The following ABCB5 variants were observed in gnomAD, a reference collection of about 807,000 sequenced individuals.
ABCB5 encodes the protein ATP binding cassette subfamily B member 5, also known as ATP-binding cassette sub-family B member 5.
Under a neutral mutation model 144.2 loss-of-function variants are expected in ABCB5, and 155 were observed. The observed-to-expected ratio is 1.08, with a 90% CI of 0.94 to 1.23. The LOEUF is 1.23. ABCB5 is among the 50% of genes most tolerant of loss of function. ABCB5 has a pLI of 0.00. For missense variants in ABCB5, 1,830 were observed against 1,520.8 expected, an observed-to-expected ratio of 1.20 and a Z score of -3.38; for synonymous variants, 610 against 528.6, an observed-to-expected ratio of 1.15 and a Z score of -2.11.
chr7:20,707,136 C>A (rs140602506), intron 20 of ABCB5, among the ~76,000 whole-genome samples: 1,554 of 152,266 alleles, frequency 0.01, 21 homozygotes, highest in African/African-American at 0.035. Flanking sequence ...AAGTCATACT[C>A]ATCTCAATTT....
At chr7:20,655,066 A>AC (rs1784730207) in intron 13 of ABCB5, among the ~76,000 whole-genome samples, 1 of 150,954 alleles carries the variant, frequency 6.6e-6, no homozygotes, top group Non-Finnish European at 1.5e-5. Flanking sequence ...AAAAAGTATA[A>AC]CTGTAGCAAA....
intron 25 of ABCB5, 57 bp downstream of exon 25, chr7:20,743,131 T>C: frequency 6.4e-7 from 1 of 1,563,982 alleles, no homozygotes. Flanking sequence ...TTCTTAAACA[T>C]TCACTAGGGC....
intron 5 of ABCB5, among the ~76,000 whole-genome samples, chr7:20,636,380 T>C (rs1201795794): frequency 6.6e-6 from 1 of 152,114 alleles, no homozygotes; most frequent in Non-Finnish European, 1.5e-5. Flanking sequence ...AAAAGATATG[T>C]CTATGTACAG....
intron 14 of ABCB5, chr7:20,660,481 TC>T (rs1562545933): frequency 2.3e-6 from 2 of 860,098 alleles, no homozygotes; most frequent in Non-Finnish European, 2.8e-6. Context: ...ACTAGATTAA[TC>T]ATATACTCTT....
chr7:20,728,701 C>T (rs1782118255), intron 23 of ABCB5, among the ~76,000 whole-genome samples: 1 of 152,154 alleles, frequency 6.6e-6, no homozygotes, highest in Admixed American at 6.5e-5. Context: ...CTGCAGTGAG[C>T]TGAGATCACG....
intron 13 of ABCB5, among the ~76,000 whole-genome samples, chr7:20,654,390 A>G (rs1348645509): frequency 1.3e-5 from 2 of 152,202 alleles, no homozygotes; most frequent in African/African-American, 4.8e-5. Context: ...GATACATCTG[A>G]AAGGAGAAAG....
At position 20,755,407 on chromosome 7, in the gene ABCB5, C is replaced by G. The variant is rs747325606; in HGVS notation, c.3577-20C>G. The G allele has an allele frequency of 6.2e-7, 1 of 1,611,742 alleles. No homozygotes were observed. The highest frequency in any genetic ancestry group is 2.2e-5 in the East Asian group (1 of 44,828). On this transcript the variant is annotated intron_variant, in intron 27 of 27. Coordinates refer to ENST00000404938, the MANE Select transcript of ABCB5 (RefSeq NM_001163941.2). ...AACATCTAACTCAAACTGGTGATCA[C>G]AGGTCTTTCTCTCTTCCAGGTGGTT...
At chr7:20,726,317 G>T in intron 21 of ABCB5, among the ~76,000 whole-genome samples, 1 of 144,028 alleles carries the variant, frequency 6.9e-6, no homozygotes, top group South Asian at 2.2e-4. Flanking sequence ...TTAATTCTTT[G>T]CTAGAATAAA....
At chr7:20,692,885 T>C (rs1018525638) in intron 16 of ABCB5, among the ~76,000 whole-genome samples, 5 of 152,114 alleles carry the variant, frequency 3.3e-5, no homozygotes, top group Non-Finnish European at 5.9e-5. Context: ...AGGAATCAGT[T>C]TATCCAGAAC....
intron 7 of ABCB5, 60 bp downstream of exon 7, chr7:20,643,692 C>T: frequency 6.4e-7 from 1 of 1,574,382 alleles, no homozygotes; most frequent in South Asian, 1.1e-5. Context: ...AAATGACTCA[C>T]TGAGTTTGTT....
chr7:20,695,770 T>A (rs925208432), intron 16 of ABCB5, among the ~76,000 whole-genome samples: 3 of 151,924 alleles, frequency 2.0e-5, no homozygotes, highest in African/African-American at 7.2e-5. Flanking sequence ...TGAAAAGGCA[T>A]TTTGCTAAAC....
In ABCB5 at chr7:20,621,702, C is replaced by A. The variant is rs551994502; in HGVS notation, c.-21-1563C>A. Reference sequence around the variant, plus strand: ...ATGTGTCACGAATATAATACAGACACAAGCAAAGAGCAAAAGGAAATCAGA... The same window carrying A: ...ATGTGTCACGAATATAATACAGACAAAAGCAAAGAGCAAAAGGAAATCAGA... On this transcript the variant is annotated intron_variant, in intron 1 of 27. Coordinates refer to ENST00000404938, the MANE Select transcript of ABCB5 (RefSeq NM_001163941.2). Among the ~76,000 whole-genome samples, 14 of 152,164 alleles carry A rather than the reference C, an allele frequency of 9.2e-5. No homozygotes were observed. The East Asian group carries it at 2.7e-3, about 29-fold the overall frequency.
intron 19 of ABCB5, among the ~76,000 whole-genome samples, chr7:20,703,525 C>T (rs556811308): frequency 2.0e-5 from 3 of 152,298 alleles, no homozygotes; most frequent in South Asian, 2.1e-4. Context: ...ATATGATGTG[C>T]GTGATTAAGG....
Position 20,723,232 on chromosome 7 carries a change from C to T in ABCB5, c.2625+13C>T. Reference sequence around the variant, plus strand: ...GCATGCTGGAAAGGTAAAATGAAGACTGTTATCACCATCGTAACATTTAAA... The same window carrying T: ...GCATGCTGGAAAGGTAAAATGAAGATTGTTATCACCATCGTAACATTTAAA... On this transcript the variant is annotated intron_variant, in intron 21 of 27. Transcript: ENST00000404938. 1.2e-6 allele frequency: 2 copies of T among 1,612,194 alleles called. No homozygotes were observed. Among genetic ancestry groups the T allele is most frequent in the African/African-American group, 1.3e-5 (1 of 75,014 alleles).
intron 14 of ABCB5, among the ~76,000 whole-genome samples, chr7:20,675,081 T>C (rs1785560611): frequency 6.6e-6 from 1 of 151,932 alleles, no homozygotes; most frequent in African/African-American, 2.4e-5. Context: ...CAAAGCAATC[T>C]ACAGATTTAG....
chr7:20,635,692 A>T (rs1208442741), intron 5 of ABCB5, among the ~76,000 whole-genome samples: 1 of 151,806 alleles, frequency 6.6e-6, no homozygotes, highest in African/African-American at 2.4e-5. Flanking sequence ...TCTTGATTTG[A>T]TTCTCATTTT....
At chr7:20,660,055 G>A (rs1034106915) in intron 14 of ABCB5, 14 of 985,248 alleles carry the variant, frequency 1.4e-5, no homozygotes, top group Non-Finnish European at 1.7e-5. Flanking sequence ...TGTTGTGCCC[G>A]CAGTATTTTC....
intron 23 of ABCB5, among the ~76,000 whole-genome samples, chr7:20,728,868 A>T (rs34706780): frequency 0.36 from 54,583 of 152,126 alleles, 10,401 homozygotes; most frequent in East Asian, 0.67. Flanking sequence ...TAAATCACAT[A>T]TGTGGAAAAG....
Position 20,755,568 on chromosome 7 carries a change from C to G in ABCB5, c.3718C>G (p.Leu1240Val). 2 of 1,614,176 alleles carry G rather than the reference C, an allele frequency of 1.2e-6. No individual in the cohort carries two copies. The highest frequency in any genetic ancestry group is 1.7e-6 in the Non-Finnish European group (2 of 1,180,022). Residue 1240 changes from leucine to valine, a missense_variant, in exon 28 of 28, where the codon CTC becomes GTC. Coordinates refer to ENST00000404938, the MANE Select transcript of ABCB5 (RefSeq NM_001163941.2). ...KIKEQGTHQE[L>V]LRNRDIYFKL... ...AAAGGAACAAGGAACTCATCAAGAG[C>G]TCCTGAGAAATCGAGACATATATTT...
Sources: gnomAD v4.1 joint callset for allele counts (sites outside exome capture counted in the v4.1 genomes callset) on GRCh38, gnomAD v4.1.1 for gene constraint, MANE v1.5 for transcripts, NCBI Gene and HGNC (gene_info 2026-07-23, HGNC 2026-07-21) for gene names.